Variants in PDE10A observed in about 807,000 individuals in gnomAD.
The protein encoded by PDE10A is phosphodiesterase 10A, also known as cAMP and cAMP-inhibited cGMP 3',5'-cyclic phosphodiesterase 10A.
Under a neutral mutation model 97.7 loss-of-function variants are expected in PDE10A, and 39 were observed. That is an observed-to-expected ratio of 0.40 (90% confidence interval 0.31 to 0.52). The LOEUF (loss-of-function observed/expected upper bound fraction) is 0.52, where lower values mean the gene tolerates loss of function less well. PDE10A is among the 20% of genes least tolerant of loss of function. The pLI is 0.56. For synonymous variants in PDE10A, 371 were observed against 376.8 expected, an observed-to-expected ratio of 0.98 and a Z score of 0.18; for missense variants, 731 against 1,047.8, an observed-to-expected ratio of 0.70 and a Z score of 4.17.
At chr6:165,464,473 A>G (rs977415516) in intron 3 of PDE10A, among the ~76,000 whole-genome samples, 4 of 152,230 alleles carry the variant, frequency 2.6e-5, no homozygotes, top group Non-Finnish European at 4.4e-5. Context: ...AGAATTGCTA[A>G]GCCATACCAC....
chr6:165,635,998 A>G (rs886812971), intron 1 of PDE10A, among the ~76,000 whole-genome samples: 1 of 152,232 alleles, frequency 6.6e-6, no homozygotes, highest in Admixed American at 6.5e-5. Flanking sequence ...ATCATTATGT[A>G]AGCATTTTAC....
At chr6:165,858,027 A>G (rs1780797306) in intron 1 of PDE10A, among the ~76,000 whole-genome samples, 1 of 152,230 alleles carries the variant, frequency 6.6e-6, no homozygotes, top group African/African-American at 2.4e-5. Context: ...GAGATAGAAC[A>G]TAGAATGCAA....
chr6:165,860,757 G>C (rs1322770056), intron 1 of PDE10A, among the ~76,000 whole-genome samples: 1 of 152,206 alleles, frequency 6.6e-6, no homozygotes, highest in East Asian at 1.9e-4. Flanking sequence ...TTGGGAAGAG[G>C]CTCCCTAATC....
intron 17 of PDE10A, among the ~76,000 whole-genome samples, chr6:165,382,511 CTA>C (rs1255493033): frequency 2.0e-5 from 3 of 152,088 alleles, no homozygotes; most frequent in Non-Finnish European, 4.4e-5. Context: ...CCAAATAATT[CTA>C]TCTTTTAATG....
rs1446910269 is a variant in PDE10A, at chr6:165,955,407, C to T, written c.-615+32122G>A. 3.9e-5 allele frequency among the ~76,000 whole-genome samples: 6 copies of T among 152,302 alleles called. No individual in the cohort carries two copies. The East Asian group carries it at 7.7e-4, about 20-fold the overall frequency. On this transcript the variant is annotated intron_variant, in intron 1 of 19. Transcript: ENST00000366882. ...TCCAACAATTTCCAGATGAGGCTTC[C>T]TGAAACGTGGAAGTGACTGGTCCCT... is the stretch of plus-strand genomic sequence containing the variant.
chr6:165,721,105 G>T (rs1792157854), intron 1 of PDE10A, among the ~76,000 whole-genome samples: 2 of 152,198 alleles, frequency 1.3e-5, no homozygotes, highest in South Asian at 4.1e-4. Context: ...ATCAAATCAG[G>T]ATAAAGAAGG....
intron 1 of PDE10A, among the ~76,000 whole-genome samples, chr6:165,928,767 T>C (rs1438867198): frequency 1.3e-5 from 2 of 152,160 alleles, no homozygotes; most frequent in Admixed American, 1.3e-4. Context: ...TGCTGGGACC[T>C]ATGGTGGGCT....
At chr6:165,954,003 G>C (rs1188538578) in intron 1 of PDE10A, among the ~76,000 whole-genome samples, 1 of 152,166 alleles carries the variant, frequency 6.6e-6, no homozygotes, top group East Asian at 1.9e-4. Flanking sequence ...AATATAGCTG[G>C]AATCATGGCC....
intron 1 of PDE10A, among the ~76,000 whole-genome samples, chr6:165,932,371 C>T (rs918679599): frequency 6.6e-6 from 1 of 151,986 alleles, no homozygotes; most frequent in Non-Finnish European, 1.5e-5. Flanking sequence ...GTTTTGCTCT[C>T]ATTGCCCAGG....
chr6:165,651,027 C>T (rs1431548502), intron 1 of PDE10A, among the ~76,000 whole-genome samples: 1 of 152,224 alleles, frequency 6.6e-6, no homozygotes, highest in Non-Finnish European at 1.5e-5. Flanking sequence ...TGAGCCACCA[C>T]GCCCAGCCAA....
chr6:165,631,311 G>A (rs565062415), intron 1 of PDE10A, among the ~76,000 whole-genome samples: 16 of 152,102 alleles, frequency 1.1e-4, no homozygotes, highest in Admixed American at 2.0e-4. Flanking sequence ...ATACACACAC[G>A]TATGTATACA....
intron 1 of PDE10A, among the ~76,000 whole-genome samples, chr6:165,761,019 C>A (rs545094013): frequency 6.6e-6 from 1 of 152,192 alleles, no homozygotes; most frequent in African/African-American, 2.4e-5. Flanking sequence ...GAGAACGGGG[C>A]GGAGCCTTGC....
At chr6:165,928,021 A>G (rs529996253) in intron 1 of PDE10A, among the ~76,000 whole-genome samples, 1 of 150,826 alleles carries the variant, frequency 6.6e-6, no homozygotes, top group South Asian at 2.1e-4. Context: ...TTTTTAAATT[A>G]TGTTCTTTTA....
intron 1 of PDE10A, among the ~76,000 whole-genome samples, chr6:165,791,761 C>G (rs1027965718): frequency 6.6e-6 from 1 of 152,208 alleles, no homozygotes; most frequent in Non-Finnish European, 1.5e-5. Context: ...ACGTTCCTTT[C>G]CCAGTTCAAA....
At chr6:165,488,863 G>C (rs113961488) in intron 2 of PDE10A, among the ~76,000 whole-genome samples, 4,819 of 152,110 alleles carry the variant, frequency 0.032, 117 homozygotes, top group Middle Eastern at 0.075. Flanking sequence ...CCCTGGGAAC[G>C]TAACTCCATT....
At chr6:165,814,305 G>A (rs150484471) in intron 1 of PDE10A, among the ~76,000 whole-genome samples, 110 of 152,044 alleles carry the variant, frequency 7.2e-4, no homozygotes, top group African/African-American at 2.5e-3. Context: ...ATTACTCCAC[G>A]ACTCCACACC....
At chr6:165,337,942 G>A (rs1781746341) in intron 20 of PDE10A, among the ~76,000 whole-genome samples, 1 of 152,014 alleles carries the variant, frequency 6.6e-6, no homozygotes, top group Admixed American at 6.6e-5. Flanking sequence ...GAAAATATAG[G>A]CAAATATATT....
At chr6:165,817,604 C>T (rs531369860) in intron 1 of PDE10A, among the ~76,000 whole-genome samples, 100 of 152,246 alleles carry the variant, frequency 6.6e-4, no homozygotes, top group Admixed American at 2.2e-3. Flanking sequence ...AATGAGTCAA[C>T]GCATACATGG....
intron 8 of PDE10A, 100 bp from the exon 9 acceptor site, chr6:165,430,445 AACACAATCACTTG>A (rs1789469605): frequency 2.9e-6 from 2 of 684,714 alleles, no homozygotes; most frequent in Non-Finnish European, 5.1e-6. Flanking sequence ...AAGAAGGCCT[AACACAATCACTTG>A]GGTTATAATG....
Sources: gnomAD v4.1 joint callset for allele counts (sites outside exome capture counted in the v4.1 genomes callset) on GRCh38, gnomAD v4.1.1 for gene constraint, MANE v1.5 for transcripts, NCBI Gene and HGNC (gene_info 2026-07-23, HGNC 2026-07-21) for gene names.